AP3B1: variants seen among roughly 807,000 people sequenced by gnomAD.
AP3B1 encodes adaptor related protein complex 3 subunit beta 1, also known as AP-3 complex subunit beta-1.
AP3B1 carries 61 observed loss-of-function variants against 132.5 expected under a neutral mutation model. That is an observed-to-expected ratio of 0.46 (90% CI 0.37 to 0.57). The LOEUF (loss-of-function observed/expected upper bound fraction) is 0.57, where lower values mean the gene tolerates loss of function less well. Among genes scored for constraint, AP3B1 ranks in the 20% least tolerant of loss-of-function variants. The pLI is 0.00. For synonymous variants in AP3B1, 388 were observed against 438.3 expected (o/e 0.89, Z 1.43); for missense variants, 1,120 against 1,289.4 (o/e 0.87, Z 2.01).
At chr5:78,020,596 G>T (rs1369441011) in intron 25 of AP3B1, 96 bp downstream of exon 25, 17 of 948,896 alleles carry the variant, frequency 1.8e-5, no homozygotes, top group Non-Finnish European at 2.5e-5. Context: ...TCTGTTAATG[G>T]CTATGTACCT....
In AP3B1 at chr5:78,002,905, C is replaced by T. The variant is rs780677693; in HGVS notation, c.3282G>A (p.Gly1094=). ...CTAAAGTCCAGATGTAAGCAGGTTA[C>T]CCCTGAGACAGGACAGGCTTCAGTT... ...LRELKPVLSQ[G] Residue 1094 remains glycine (G), a synonymous_variant, in exon 27 of 27, where the codon GGG becomes GGA. Transcript: ENST00000255194. The T allele has an allele frequency of 3.7e-6, 6 of 1,614,140 alleles. No homozygotes were observed. Among genetic ancestry groups the T allele is most frequent in the South Asian group, 3.3e-5 (3 of 91,080 alleles).
In AP3B1 at chr5:78,233,495, A is replaced by G. The variant is rs372302120; in HGVS notation, c.280-5256T>C. 6.6e-5 allele frequency among the ~76,000 whole-genome samples: 10 copies of G among 151,688 alleles called. No homozygotes were observed. The South Asian group carries it at 1.0e-3, about 16-fold the overall frequency. On this transcript the variant is annotated intron_variant, in intron 3 of 26. Coordinates refer to ENST00000255194, the MANE Select transcript of AP3B1 (RefSeq NM_003664.5). ...GGTGATCCGCCCACCCCGGCCTCCC[A>G]AAGTGCTGGGATTACAGGCGTGAGC...
chr5:78,229,570 T>TAAA (rs747124764), intron 3 of AP3B1, among the ~76,000 whole-genome samples: 1 of 92,882 alleles, frequency 1.1e-5, no homozygotes, highest in Admixed American at 9.3e-5. Context: ...CCATTTCTAG[T>TAAA]AAAACAAAAA....
chr5:78,033,889 A>G (rs1164748605), intron 24 of AP3B1, among the ~76,000 whole-genome samples: 2 of 149,722 alleles, frequency 1.3e-5, no homozygotes, highest in Non-Finnish European at 3.0e-5. Flanking sequence ...GTAAAAAGGA[A>G]AAAAAAAATG....
intron 2 of AP3B1, among the ~76,000 whole-genome samples, chr5:78,252,495 A>C (rs1484797221): frequency 6.6e-6 from 1 of 151,714 alleles, no homozygotes; most frequent in Non-Finnish European, 1.5e-5. Context: ...GCATTCATGA[A>C]AAGTACTGCC....
At chr5:78,259,648 C>A (rs1237534055) in intron 2 of AP3B1, among the ~76,000 whole-genome samples, 2 of 152,056 alleles carry the variant, frequency 1.3e-5, no homozygotes, top group Non-Finnish European at 2.9e-5. Flanking sequence ...ATACATACAC[C>A]TACTATGTGC....
chr5:78,195,418 G>C (rs530881927), intron 7 of AP3B1, among the ~76,000 whole-genome samples: 10 of 152,282 alleles, frequency 6.6e-5, no homozygotes, highest in Non-Finnish European at 1.5e-4. Flanking sequence ...GAACAGAAGA[G>C]AAAGCCTAGA....
At chr5:78,215,284 G>C (rs1174803396) in intron 7 of AP3B1, among the ~76,000 whole-genome samples, 4 of 150,780 alleles carry the variant, frequency 2.7e-5, no homozygotes, top group African/African-American at 9.7e-5. Flanking sequence ...CAAAAGACTA[G>C]AATGAATGTG....
chr5:78,073,558 AT>A, intron 22 of AP3B1, among the ~76,000 whole-genome samples: 1 of 152,194 alleles, frequency 6.6e-6, no homozygotes, highest in East Asian at 1.9e-4. Context: ...TAAATGCATA[AT>A]TTCAGACTAT....
chr5:78,198,750 A>T (rs1745171181), intron 7 of AP3B1, among the ~76,000 whole-genome samples: 1 of 152,204 alleles, frequency 6.6e-6, no homozygotes, highest in Non-Finnish European at 1.5e-5. Flanking sequence ...GGTTAGATGT[A>T]CCTGACAAGA....
At chr5:78,004,149 C>A (rs1746299598) in intron 26 of AP3B1, among the ~76,000 whole-genome samples, 1 of 152,178 alleles carries the variant, frequency 6.6e-6, no homozygotes, top group South Asian at 2.1e-4. Flanking sequence ...TGAATCTGAG[C>A]CATCTGCCTC....
intron 7 of AP3B1, among the ~76,000 whole-genome samples, chr5:78,185,172 A>G (rs75690994): frequency 0.03 from 4,574 of 152,262 alleles, 231 homozygotes; most frequent in African/African-American, 0.1. Flanking sequence ...AAGGGGAACT[A>G]GAGTATTTGT....
At chr5:78,124,899 G>T (rs1482335147) in intron 17 of AP3B1, among the ~76,000 whole-genome samples, 1 of 152,050 alleles carries the variant, frequency 6.6e-6, no homozygotes, top group Non-Finnish European at 1.5e-5. Context: ...ATGCTCAAAC[G>T]TGCATTTTTT....
At chr5:78,186,660 A>T (rs977579841) in intron 7 of AP3B1, among the ~76,000 whole-genome samples, 1 of 152,210 alleles carries the variant, frequency 6.6e-6, no homozygotes, top group African/African-American at 2.4e-5. Context: ...ATTATCTTTT[A>T]AAAACCATTT....
chr5:78,119,281 G>A (rs1752033436), intron 17 of AP3B1, among the ~76,000 whole-genome samples: 1 of 152,162 alleles, frequency 6.6e-6, no homozygotes, highest in Non-Finnish European at 1.5e-5. Context: ...AAAGCAGAGT[G>A]CCTCTCCTCC....
At position 78,015,422 on chromosome 5, in the gene AP3B1, T is replaced by C; in HGVS notation, c.3119A>G (p.Asp1040Gly). 6.2e-7 allele frequency: 1 copy of C among 1,613,822 alleles called. No individual in the cohort carries two copies. The highest frequency in any genetic ancestry group is 8.5e-7 in the Non-Finnish European group (1 of 1,179,824). The change falls in exon 26 of 27, where the codon GAT (aspartate) becomes GGT (glycine). Residue 1040 changes from aspartate (D) to glycine (G), a missense_variant. Asp to Gly is a moderately conservative substitution (Grantham distance 94, BLOSUM62 -1). Around this residue, in one of 3 missense-constraint regions of AP3B1, gnomAD observed 906 missense variants for 997.1 expected, o/e 0.91. Transcript: ENST00000255194. ...ANVGAVPSGQ[D>G]NIHRFAAKTV... Reference sequence around the variant, plus strand: ...TTAGTGAACCTACCTGTGTATATTATCCTGGCCAGAAGGGACTGCACCTAC... The same window carrying C: ...TTAGTGAACCTACCTGTGTATATTACCCTGGCCAGAAGGGACTGCACCTAC...
At chr5:78,276,373 A>G (rs541571896) in intron 1 of AP3B1, among the ~76,000 whole-genome samples, 1 of 152,352 alleles carries the variant, frequency 6.6e-6, no homozygotes, top group East Asian at 1.9e-4. Flanking sequence ...AGCCTGCAAC[A>G]TACTTTGTGA....
At chr5:78,261,465 T>C (rs1276326119) in intron 2 of AP3B1, among the ~76,000 whole-genome samples, 3 of 152,128 alleles carry the variant, frequency 2.0e-5, no homozygotes, top group African/African-American at 7.2e-5. Context: ...TTTGTTGTTG[T>C]TGTTTTGTTT....
intron 3 of AP3B1, among the ~76,000 whole-genome samples, chr5:78,237,520 G>T (rs1162618747): frequency 6.8e-6 from 1 of 147,104 alleles, no homozygotes; most frequent in Non-Finnish European, 1.5e-5. Flanking sequence ...TTTAAAAGTA[G>T]GTTTAGGCTG....
Sources: allele counts gnomAD v4.1 joint callset (sites outside exome capture counted in the v4.1 genomes callset), GRCh38; gene constraint gnomAD v4.1.1; regional missense constraint gnomAD v4.1.1; transcripts MANE v1.5; gene names NCBI Gene and HGNC (gene_info 2026-07-23, HGNC 2026-07-21).